Variants in RXRA observed in about 807,000 individuals in gnomAD.
RXRA encodes retinoic acid receptor RXR-alpha.
A neutral mutation model predicts 44.5 loss-of-function variants in RXRA; 5 were observed. That is an observed-to-expected ratio of 0.11 (90% CI 0.06 to 0.24). The LOEUF (loss-of-function observed/expected upper bound fraction) is 0.24. RXRA is among the 10% of genes least tolerant of loss of function. RXRA has a pLI of 1.00. For missense variants in RXRA, 412 were observed against 646.5 expected, an observed-to-expected ratio of 0.64 and a Z score of 3.93; for synonymous variants, 291 against 271.4, an observed-to-expected ratio of 1.07 and a Z score of -0.71.
At chr9:134,398,705 G>C (rs1389540306) in intron 1 of RXRA, among the ~76,000 whole-genome samples, 1 of 152,240 alleles carries the variant, frequency 6.6e-6, no homozygotes, top group African/African-American at 2.4e-5. Flanking sequence ...AGCAGGGGGT[G>C]GGTGGAGAAG....
chr9:134,373,962 A>C (rs1358795376), intron 1 of RXRA: 1 of 152,152 alleles, frequency 6.6e-6, no homozygotes, highest in East Asian at 1.9e-4. Context: ...GGAGTGCGCC[A>C]CCTCACCTGG....
chr9:134,408,889 C>A (rs770387357), intron 3 of RXRA, 51 bp from the exon 4 acceptor site: 8 of 1,430,770 alleles, frequency 5.6e-6, no homozygotes, highest in Non-Finnish European at 7.4e-6. Context: ...GGGGTGGGCT[C>A]CCTGCCGGGG....
intron 2 of RXRA, chr9:134,402,203 T>G (rs1588289308): frequency 2.6e-6 from 1 of 391,798 alleles, no homozygotes; most frequent in Non-Finnish European, 4.6e-6. Context: ...AGAGAGGCTG[T>G]GGCCTCCCTC....
chr9:134,374,889 C>T (rs1271691944), intron 1 of RXRA, among the ~76,000 whole-genome samples: 2 of 152,236 alleles, frequency 1.3e-5, no homozygotes, highest in African/African-American at 4.8e-5. Context: ...CGACCTGGTC[C>T]CGCTATCCTG....
chr9:134,351,853 G>A (rs1347678266), intron 1 of RXRA, among the ~76,000 whole-genome samples: 4 of 152,230 alleles, frequency 2.6e-5, no homozygotes, highest in South Asian at 2.1e-4. Context: ...TGGAGGCCAC[G>A]CAGCAGCTGC....
At chr9:134,436,151 C>CG (rs1831616613) in intron 9 of RXRA, among the ~76,000 whole-genome samples, 1 of 152,390 alleles carries the variant, frequency 6.6e-6, no homozygotes, top group African/African-American at 2.4e-5. Flanking sequence ...CAACTGCCTG[C>CG]AATTTTTAAC....
intron 1 of RXRA, among the ~76,000 whole-genome samples, chr9:134,378,971 GAACA>G (rs1467258019): frequency 6.6e-6 from 1 of 152,222 alleles, no homozygotes. Flanking sequence ...CCTCGGGTGG[GAACA>G]CACGTCTCTT....
intron 1 of RXRA, among the ~76,000 whole-genome samples, chr9:134,333,883 C>T (rs3818738): frequency 0.38 from 58,425 of 152,084 alleles, 12,687 homozygotes; most frequent in African/African-American, 0.59. Flanking sequence ...CCGGGACTCC[C>T]GCTGCCTGCT....
intron 4 of RXRA, among the ~76,000 whole-genome samples, chr9:134,410,490 G>T (rs1308994073): frequency 6.6e-6 from 1 of 152,226 alleles, no homozygotes; most frequent in African/African-American, 2.4e-5. Flanking sequence ...CCAGCCTGGA[G>T]AGGTGTGTAC....
intron 2 of RXRA, chr9:134,406,054 GCT>G (rs1322218991): frequency 6.6e-6 from 1 of 152,288 alleles, no homozygotes; most frequent in Non-Finnish European, 1.5e-5. Context: ...TGCGAGCTCT[GCT>G]CTGAGCCCTG....
intron 1 of RXRA, among the ~76,000 whole-genome samples, chr9:134,391,205 C>T (rs544392459): frequency 2.2e-4 from 33 of 152,168 alleles, no homozygotes; most frequent in Admixed American, 5.9e-4. Context: ...TCAGAGTCCC[C>T]GACTGAACCA....
intron 6 of RXRA, chr9:134,424,909 G>A: frequency 1.0e-6 from 1 of 985,480 alleles, no homozygotes; most frequent in South Asian, 4.7e-5. Context: ...AGCTCCGGCA[G>A]GTGCCAGGGC....
chr9:134,358,722 C>G (rs1830314612), intron 1 of RXRA, among the ~76,000 whole-genome samples: 1 of 152,224 alleles, frequency 6.6e-6, no homozygotes, highest in African/African-American at 2.4e-5. Context: ...TGGACCCTGC[C>G]TGAGACAAGC....
chr9:134,413,546 A>T (rs550894398), intron 4 of RXRA, among the ~76,000 whole-genome samples: 1 of 152,226 alleles, frequency 6.6e-6, no homozygotes, highest in South Asian at 2.1e-4. Flanking sequence ...GGAGGCCAGA[A>T]TGGTTTGGTG....
At chr9:134,386,477 G>T (rs1433290541) in intron 1 of RXRA, among the ~76,000 whole-genome samples, 3 of 152,256 alleles carry the variant, frequency 2.0e-5, no homozygotes, top group Non-Finnish European at 4.4e-5. Context: ...TGGCATGTCT[G>T]CTGGGGCTGT....
At chr9:134,384,393 G>A (rs1004086209) in intron 1 of RXRA, among the ~76,000 whole-genome samples, 7 of 152,260 alleles carry the variant, frequency 4.6e-5, no homozygotes, top group African/African-American at 7.2e-5. Context: ...AAAGCGAACC[G>A]TGCTGGGGTC....
chr9:134,348,949 G>A (rs1830187830), intron 1 of RXRA, among the ~76,000 whole-genome samples: 1 of 152,248 alleles, frequency 6.6e-6, no homozygotes, highest in Non-Finnish European at 1.5e-5. Context: ...CCACCTGAGT[G>A]CCAACCGTGG....
intron 1 of RXRA, among the ~76,000 whole-genome samples, chr9:134,393,006 T>TG (rs1564282942): frequency 7.0e-6 from 1 of 143,526 alleles, no homozygotes; most frequent in Non-Finnish European, 1.5e-5. Flanking sequence ...GTTCTGCAGG[T>TG]GGTTACTTGG....
Position 134,436,884 on chromosome 9 carries a change from G to A in RXRA, c.*270G>A. The A allele has an allele frequency of 1.1e-5, 5 of 453,208 alleles. 1 individual carries two copies. The highest frequency in any genetic ancestry group is 1.1e-4 in the South Asian group (4 of 36,442). The allele number at this position is 453,208 out of a possible 1,614,324, so 28.1% of individuals were successfully genotyped here. On this transcript the variant is annotated 3_prime_UTR_variant, in exon 10 of 10. Coordinates refer to ENST00000481739, the MANE Select transcript of RXRA (RefSeq NM_002957.6). The stretch of plus-strand genomic sequence containing the variant: ...GCCCAGCCAGGCGCCTCCCCACCGG[G>A]CTCTCAGGACACCCTGCCACACCCC...
Sources: gnomAD v4.1 joint callset for allele counts (sites outside exome capture counted in the v4.1 genomes callset) on GRCh38, gnomAD v4.1.1 for gene constraint, MANE v1.5 for transcripts, NCBI Gene and HGNC (gene_info 2026-07-23, HGNC 2026-07-21) for gene names.